The following HAUS6 variants were observed in gnomAD, a reference collection of about 807,000 sequenced individuals.
HAUS6 encodes the protein HAUS augmin-like complex subunit 6.
A neutral mutation model predicts 106.8 loss-of-function variants in HAUS6; 80 were observed. The observed-to-expected ratio is 0.75, with a 90% confidence interval of 0.63 to 0.90. The LOEUF (loss-of-function observed/expected upper bound fraction) is 0.90, where lower values mean the gene tolerates loss of function less well. HAUS6 is among the 40% of genes least tolerant of loss of function. The probability of loss-of-function intolerance (pLI) is 0.00; values close to 1 mark genes in which losing one functional copy is unlikely to be tolerated. For missense variants in HAUS6, 1,155 were observed against 1,118.1 expected (o/e 1.03, Z -0.47); for synonymous variants, 356 against 379.1 (o/e 0.94, Z 0.71).
chr9:19,081,692 G>C (rs1047657389), intron 8 of HAUS6, among the ~76,000 whole-genome samples: 3 of 152,086 alleles, frequency 2.0e-5, no homozygotes, highest in Non-Finnish European at 4.4e-5. Flanking sequence ...ACCCTCCTCA[G>C]CTTCCCAAAG....
At position 19,102,451 on chromosome 9, in the gene HAUS6, G is replaced by A. The variant is rs1004342364; in HGVS notation, c.128+73C>T. The A allele has an allele frequency of 8.0e-6, 12 of 1,496,374 alleles. No individual in the cohort carries two copies. The African/African-American group carries it at 1.2e-4, about 16-fold the overall frequency. 92.7% of individuals were successfully genotyped at this position (1,496,374 alleles called of 1,614,324 possible). A position where few individuals can be genotyped will look rare whatever the true frequency, so the allele number is the denominator to read the frequency against. ...CAATTCTGATTAATCAACCTCCGGG[G>A]TCTACAAAAGGGGGAGTCCCCCGGC... On this transcript the variant is annotated intron_variant, in intron 1 of 16. Coordinates refer to ENST00000380502, the MANE Select transcript of HAUS6 (RefSeq NM_017645.5).
In HAUS6 at chr9:19,078,158, C is replaced by T; in HGVS notation, c.1191+18G>A. The T allele has an allele frequency of 6.3e-7, 1 of 1,583,554 alleles. No individual in the cohort carries two copies. The highest frequency in any genetic ancestry group is 1.2e-5 in the South Asian group (1 of 86,006). On this transcript the variant is annotated intron_variant, in intron 10 of 16. Coordinates refer to ENST00000380502, the MANE Select transcript of HAUS6 (RefSeq NM_017645.5). ...AGGTGGGTGGCGGGGAGGGCAGGGG[C>T]AAGTCAACATTACTTACTGGAGTCC...
At chr9:19,074,187 C>T (rs1836939641) in intron 11 of HAUS6, among the ~76,000 whole-genome samples, 1 of 151,314 alleles carries the variant, frequency 6.6e-6, no homozygotes, top group Non-Finnish European at 1.5e-5. Context: ...GCGAAGGTTG[C>T]AATGAGCCGA....
rs183525322 is a variant in HAUS6, at chr9:19,074,492, G to A, written c.1294+2110C>T. On this transcript the variant is annotated intron_variant, in intron 11 of 16. Coordinates refer to ENST00000380502, the MANE Select transcript of HAUS6 (RefSeq NM_017645.5). ...TCACTATGTTGTCCAGGCTGGTCTC[G>A]AACTCCTGGGCTTAAGCAATCTTCC... is the stretch of plus-strand genomic sequence containing the variant. Among the ~76,000 whole-genome samples the A allele has an allele frequency of 1.8e-4, 28 of 152,042 alleles. No homozygotes were observed. The East Asian group carries it at 3.5e-3, about 19-fold the overall frequency.
At chr9:19,065,494 T>C (rs1321625313) in intron 12 of HAUS6, among the ~76,000 whole-genome samples, 1 of 140,804 alleles carries the variant, frequency 7.1e-6, no homozygotes, top group Non-Finnish European at 1.5e-5. Context: ...ATATGTTATT[T>C]AAACATACAG....
intron 7 of HAUS6, 48 bp from the exon 8 acceptor site, chr9:19,083,091 T>C (rs755224444): frequency 1.7e-6 from 2 of 1,161,182 alleles, no homozygotes; most frequent in Non-Finnish European, 2.4e-6. Context: ...AATCTGTACA[T>C]ATTTTAAAAA....
chr9:19,060,322 G>T, intron 14 of HAUS6, 99 bp from the exon 15 acceptor site: 1 of 901,794 alleles, frequency 1.1e-6, no homozygotes, highest in Non-Finnish European at 1.6e-6. Context: ...ACAGTCAGCA[G>T]CCCCTCCCAT....
In HAUS6 at chr9:19,089,422, C is replaced by G. The variant is rs766466607; in HGVS notation, c.574G>C (p.Glu192Gln). 1 of 1,605,684 alleles carries G rather than the reference C, an allele frequency of 6.2e-7. No homozygotes were observed. Among genetic ancestry groups the G allele is most frequent in the Non-Finnish European group, 8.5e-7 (1 of 1,172,422 alleles). Residue 192 changes from glutamate to glutamine, a missense_variant, in exon 5 of 17, where the codon GAA (glutamate) becomes CAA (glutamine). This residue lies in a region of HAUS6 where 761 missense variants were observed against 690.0 expected (regional missense o/e 1.10). Coordinates refer to ENST00000380502, the MANE Select transcript of HAUS6 (RefSeq NM_017645.5). Reference sequence around the variant, plus strand: ...CAAGGTACTACTTACTGTGCATTTTCCTGATATTTTTGGGTAACACAATCT... The same window carrying G: ...CAAGGTACTACTTACTGTGCATTTTGCTGATATTTTTGGGTAACACAATCT... ...RQDCVTQKYQ[E>Q]NAQLSVKQVR...
At chr9:19,067,914 G>A (rs950535577) in intron 12 of HAUS6, among the ~76,000 whole-genome samples, 1 of 151,606 alleles carries the variant, frequency 6.6e-6, no homozygotes, top group African/African-American at 2.4e-5. Flanking sequence ...GGCTAGTCTC[G>A]AACTCCTGAC....
chr9:19,096,519 C>A (rs902229831), intron 2 of HAUS6, among the ~76,000 whole-genome samples, 155 bp downstream of exon 2: 7 of 136,054 alleles, frequency 5.1e-5, no homozygotes, highest in Non-Finnish European at 1.1e-4. Context: ...GAGCCTAGAT[C>A]ACGCCACTGC....
At chr9:19,088,134 G>A (rs1281477438) in intron 5 of HAUS6, among the ~76,000 whole-genome samples, 2 of 152,218 alleles carry the variant, frequency 1.3e-5, no homozygotes, top group African/African-American at 4.8e-5. Context: ...TAATACACTG[G>A]TAGGGTACAG....
Position 19,058,424 on chromosome 9 carries a change from C to A in HAUS6, c.2343G>T (p.Pro781=). 6.2e-7 allele frequency: 1 copy of A among 1,609,526 alleles called. No homozygotes were observed. The highest frequency in any genetic ancestry group is 8.5e-7 in the Non-Finnish European group (1 of 1,176,516). The change falls in exon 16 of 17, where the codon CCG becomes CCT. Residue 781 remains proline (P), a synonymous_variant. Transcript: ENST00000380502. The part of the protein sequence containing the change: ...NDFGILHETL[P]EEVGHLSFNS... ...TAAAACTTAGATGACCAACTTCTTCCGGGAGAGTTTCGTGTAATATGCCAA... is the reference window on the plus strand; with the variant it reads ...TAAAACTTAGATGACCAACTTCTTCAGGGAGAGTTTCGTGTAATATGCCAA...
At position 19,078,167 on chromosome 9, in the gene HAUS6, A is replaced by G. The variant is rs745741378; in HGVS notation, c.1191+9T>C. ...GCGGGGAGGGCAGGGGCAAGTCAACATTACTTACTGGAGTCCAACCTTTAA... is the reference window on the plus strand; with the variant it reads ...GCGGGGAGGGCAGGGGCAAGTCAACGTTACTTACTGGAGTCCAACCTTTAA... On this transcript the variant is annotated intron_variant, in intron 10 of 16. Transcript: ENST00000380502. The G allele has an allele frequency of 6.2e-7, 1 of 1,602,132 alleles. No homozygotes were observed. The highest frequency in any genetic ancestry group is 1.3e-5 in the African/African-American group (1 of 74,338).
In HAUS6 at chr9:19,081,373, T is replaced by C. The variant is rs139596137; in HGVS notation, c.871-701A>G. ...TAAAGGCTGTATCTGTACTTAAATA[T>C]GTTTCTTTGGCTTGCACATTTCTAT... On this transcript the variant is annotated intron_variant, in intron 8 of 16. Coordinates refer to ENST00000380502, the MANE Select transcript of HAUS6 (RefSeq NM_017645.5). Among the ~76,000 whole-genome samples the C allele has an allele frequency of 4.2e-3, 634 of 152,312 alleles. 3 individuals carry two copies. Among genetic ancestry groups the C allele is most frequent in the African/African-American group, 0.015 (608 of 41,578 alleles).
In HAUS6 at chr9:19,094,501, T is replaced by C. The variant is rs950042084; in HGVS notation, c.225-106A>G. On this transcript the variant is annotated intron_variant, in intron 2 of 16. Coordinates refer to ENST00000380502, the MANE Select transcript of HAUS6 (RefSeq NM_017645.5). Reference sequence around the variant, plus strand: ...AAACTTATTTCTAATACCAGAAATATTAATGCATGGCCAAGCGCGGTGGCT... The same window carrying C: ...AAACTTATTTCTAATACCAGAAATACTAATGCATGGCCAAGCGCGGTGGCT... 17 of 671,728 alleles carry C rather than the reference T, an allele frequency of 2.5e-5. No homozygotes were observed. The African/African-American group carries it at 2.6e-4, about 10-fold the overall frequency. 41.6% of individuals were successfully genotyped at this position (671,728 alleles called of 1,614,324 possible). A position where few individuals can be genotyped will look rare whatever the true frequency, so the allele number is the denominator to read the frequency against.
At position 19,063,043 on chromosome 9, in the gene HAUS6, G is replaced by A; in HGVS notation, c.1594C>T (p.Pro532Ser). ...AGATGATCTTGCTCTTTTTGAAATG[G>A]ATCACTTTTTTTAGCTGGCAAAGAC... ...GGSLPAKKSD[P>S]FQKEQDHLVE... is the part of the protein sequence containing the mutation. The change falls in exon 14 of 17, where the codon CCA (proline) becomes TCA (serine). Residue 532 changes from proline (P) to serine (S), a missense_variant. Physicochemically the swap from Pro to Ser is moderately conservative, Grantham distance 74. Transcript: ENST00000380502. 3 of 1,611,012 alleles carry A rather than the reference G, an allele frequency of 1.9e-6. No homozygotes were observed. Among genetic ancestry groups the A allele is most frequent in the Non-Finnish European group, 2.5e-6 (3 of 1,179,224 alleles).
At chr9:19,073,945 A>C (rs1273646341) in intron 11 of HAUS6, 2 of 152,182 alleles carry the variant, frequency 1.3e-5, no homozygotes, top group African/African-American at 2.4e-5. Flanking sequence ...ATAAAAGTTT[A>C]AGTTAAAATT....
At chr9:19,078,424 A>C (rs1588613110) in intron 9 of HAUS6, 122 bp from the exon 10 acceptor site, 1 of 603,746 alleles carries the variant, frequency 1.7e-6, no homozygotes, top group East Asian at 2.9e-5. Flanking sequence ...TTCAATCAAT[A>C]TACCACATAT....
chr9:19,066,231 C>G (rs553711487), intron 12 of HAUS6, among the ~76,000 whole-genome samples: 1 of 151,980 alleles, frequency 6.6e-6, no homozygotes, highest in African/African-American at 2.4e-5. Flanking sequence ...CCACCATGCC[C>G]AGCTAGAGCT....
Sources: allele counts gnomAD v4.1 joint callset (sites outside exome capture counted in the v4.1 genomes callset), GRCh38; gene constraint gnomAD v4.1.1; regional missense constraint gnomAD v4.1.1; transcripts MANE v1.5; gene names NCBI Gene and HGNC (gene_info 2026-07-23, HGNC 2026-07-21).